Variants in THOC5 observed in about 807,000 individuals in gnomAD.
The protein encoded by THOC5 is THO complex subunit 5, also known as Fms-interacting protein.
Under a neutral mutation model 92.9 loss-of-function variants are expected in THOC5, and 43 were observed. The ratio of observed to expected loss-of-function variants is 0.46; its 90% CI spans 0.36 to 0.60. The LOEUF (loss-of-function observed/expected upper bound fraction) is 0.60. Among genes scored for constraint, THOC5 ranks in the 20% least tolerant of loss-of-function variants. The probability of loss-of-function intolerance (pLI) is 0.00; values close to 1 mark genes in which losing one functional copy is unlikely to be tolerated. For missense variants in THOC5, 659 were observed against 849.4 expected (o/e 0.78, Z 2.79); for synonymous variants, 296 against 320.1 (o/e 0.92, Z 0.80).
chr22:29,526,852 G>C (rs2063555129), intron 11 of THOC5, among the ~76,000 whole-genome samples: 1 of 152,150 alleles, frequency 6.6e-6, no homozygotes, highest in Non-Finnish European at 1.5e-5. Context: ...AGGAAAGACT[G>C]AGACACTCAC....
chr22:29,552,961 AC>A (rs2064203565), intron 1 of THOC5, among the ~76,000 whole-genome samples: 1 of 152,144 alleles, frequency 6.6e-6, no homozygotes, highest in Non-Finnish European at 1.5e-5. Flanking sequence ...GCTCTCTGAA[AC>A]ATGTGCTGTG....
chr22:29,522,587 T>C (rs1403848310), intron 12 of THOC5, among the ~76,000 whole-genome samples: 1 of 151,932 alleles, frequency 6.6e-6, no homozygotes, highest in African/African-American at 2.4e-5. Context: ...CTGAACTTGG[T>C]AAAAATGATG....
intron 13 of THOC5, 120 bp downstream of exon 13, chr22:29,520,878 C>A: frequency 1.4e-6 from 1 of 731,314 alleles, no homozygotes; most frequent in South Asian, 1.6e-5. Context: ...TTCCTTCTAC[C>A]CTGTGGTCTT....
At chr22:29,549,193 G>C (rs1034236502) in intron 1 of THOC5, 35 bp from the exon 2 acceptor site, 1 of 1,586,820 alleles carries the variant, frequency 6.3e-7, no homozygotes, top group Admixed American at 1.7e-5. Context: ...GATTCTTCTG[G>C]AGTCATAACA....
At position 29,508,382 on chromosome 22, in the gene THOC5, T is replaced by C; in HGVS notation, c.*75A>G. The stretch of plus-strand genomic sequence containing the variant: ...TCTTTGGAGAATATCAAGAGTCACA[T>C]GTGGGCCAGAGCAGAAAGCAGAAGC... On this transcript the variant is annotated 3_prime_UTR_variant, in exon 20 of 20. Coordinates refer to ENST00000490103, the MANE Select transcript of THOC5 (RefSeq NM_003678.5). 1.4e-6 allele frequency: 2 copies of C among 1,435,766 alleles called. No individual in the cohort carries two copies. Among genetic ancestry groups the C allele is most frequent in the Non-Finnish European group, 2.0e-6 (2 of 1,022,118 alleles). The allele number at this position is 1,435,766 out of a possible 1,614,324, so 88.9% of individuals were successfully genotyped here. A position where few individuals can be genotyped will look rare whatever the true frequency, so the allele number is the denominator to read the frequency against.
intron 5 of THOC5, among the ~76,000 whole-genome samples, chr22:29,542,265 T>C (rs184616454): frequency 5.8e-4 from 88 of 152,148 alleles, no homozygotes; most frequent in African/African-American, 2.0e-3. Context: ...TGCCCAGAAA[T>C]CAAACTGGTA....
At chr22:29,532,201 C>T (rs2063669134) in intron 7 of THOC5, among the ~76,000 whole-genome samples, 1 of 152,158 alleles carries the variant, frequency 6.6e-6, no homozygotes, top group South Asian at 2.1e-4. Context: ...GGCTCATGCC[C>T]ATAGTCCCAG....
Position 29,515,553 on chromosome 22 carries a change from G to A in THOC5, c.1681+1476C>T, listed in dbSNP as rs182251967. Reference sequence around the variant, plus strand: ...GGATGAGATAAAAGGAAGACCGGGTGTGGTGGTTCATGCCTGCAATCCCAG... The same window carrying A: ...GGATGAGATAAAAGGAAGACCGGGTATGGTGGTTCATGCCTGCAATCCCAG... On this transcript the variant is annotated intron_variant, in intron 17 of 19. Transcript: ENST00000490103. Among the ~76,000 whole-genome samples, 410 of 151,888 alleles carry A rather than the reference G, an allele frequency of 2.7e-3. 6 individuals carry two copies. Among genetic ancestry groups the A allele is most frequent in the Non-Finnish European group, 1.1e-3 (76 of 67,970 alleles).
At position 29,517,313 on chromosome 22, in the gene THOC5, C is replaced by T. The variant is rs1180052505; in HGVS notation, c.1543G>A (p.Val515Ile). ...ACCCATTTCACCAGGCGAGAGACAA[C>T]CTTGGCAGGGAAGAGGTACTGGCAA... ...SDCQYLFPAK[V>I]VSRLVKWVTV... is the part of the protein sequence containing the mutation. The change falls in exon 16 of 20, where the codon GTT (valine) becomes ATT (isoleucine). Residue 515 changes from valine (V) to isoleucine (I), a missense_variant. Transcript: ENST00000490103. The T allele has an allele frequency of 1.2e-6, 2 of 1,614,108 alleles. No individual in the cohort carries two copies. The highest frequency in any genetic ancestry group is 8.5e-7 in the Non-Finnish European group (1 of 1,180,050).
rs1318584217 is a variant in THOC5 at position 29,529,241 on chromosome 22, T to G, written c.848-2A>C. ...CGATTGCCACAGATAACGTCTTATC[T>G]GGGGGGCAAGAAGAAGTCTGTTAGG... On this transcript the variant is annotated splice_acceptor_variant, in intron 8 of 19. Coordinates refer to ENST00000490103, the MANE Select transcript of THOC5 (RefSeq NM_003678.5). LOFTEE classifies it high-confidence loss of function. 6 of 1,613,994 alleles carry G rather than the reference T, an allele frequency of 3.7e-6. No individual in the cohort carries two copies. The highest frequency in any genetic ancestry group is 1.7e-5 in the Admixed American group (1 of 59,992).
intron 12 of THOC5, among the ~76,000 whole-genome samples, chr22:29,524,386 G>A (rs2063502776): frequency 6.6e-6 from 1 of 152,114 alleles, no homozygotes; most frequent in South Asian, 2.1e-4. Context: ...ACCCTGGGAG[G>A]GGATATTACA....
At chr22:29,524,196 C>G (rs951279144) in intron 12 of THOC5, among the ~76,000 whole-genome samples, 1 of 152,198 alleles carries the variant, frequency 6.6e-6, no homozygotes, top group Non-Finnish European at 1.5e-5. Flanking sequence ...TTGCTGACTT[C>G]GAATCATAAT....
chr22:29,534,745 G>A (rs986244388), intron 7 of THOC5: 1 of 151,388 alleles, frequency 6.6e-6, no homozygotes, highest in Non-Finnish European at 1.5e-5. Context: ...ACAAGGTCAG[G>A]AGATCGAGAC....
At chr22:29,552,621 A>AG (rs896999980) in intron 1 of THOC5, among the ~76,000 whole-genome samples, 36 of 140,636 alleles carry the variant, frequency 2.6e-4, no homozygotes, top group African/African-American at 8.4e-4. Context: ...GGTCGGGGGT[A>AG]GGGGGGCGCC....
intron 2 of THOC5, 51 bp downstream of exon 2, chr22:29,549,001 T>C (rs1739415996): frequency 6.3e-7 from 1 of 1,582,868 alleles, no homozygotes; most frequent in Non-Finnish European, 8.7e-7. Context: ...GCCAGGTGCT[T>C]GGCCATGAGA....
intron 5 of THOC5, among the ~76,000 whole-genome samples, chr22:29,540,892 T>C (rs1416349116): frequency 6.6e-6 from 1 of 152,174 alleles, no homozygotes; most frequent in Non-Finnish European, 1.5e-5. Context: ...TATGTGACGA[T>C]TTTGTGGAAC....
rs1454459934 is a variant in THOC5, at chr22:29,529,423, T to C, written c.848-184A>G. Reference sequence around the variant, plus strand: ...AAGGTGGGACACTTAAGCTTTTTTTTCCGTCATTTACTGAGAACAGAGAAC... The same window carrying C: ...AAGGTGGGACACTTAAGCTTTTTTTCCCGTCATTTACTGAGAACAGAGAAC... On this transcript the variant is annotated intron_variant, in intron 8 of 19. Coordinates refer to ENST00000490103, the MANE Select transcript of THOC5 (RefSeq NM_003678.5). Among the ~76,000 whole-genome samples, 6 of 152,218 alleles carry C rather than the reference T, an allele frequency of 3.9e-5. No individual in the cohort carries two copies. The East Asian group carries it at 7.7e-4, about 20-fold the overall frequency.
chr22:29,521,819 G>A (rs183516540), intron 12 of THOC5, among the ~76,000 whole-genome samples: 1 of 152,236 alleles, frequency 6.6e-6, no homozygotes, highest in Admixed American at 6.5e-5. Context: ...AGGATGACAA[G>A]GCCCATTCTT....
At chr22:29,537,303 G>A (rs1203319980) in intron 6 of THOC5, among the ~76,000 whole-genome samples, 2 of 152,198 alleles carry the variant, frequency 1.3e-5, no homozygotes. Context: ...ACAGCGGAGT[G>A]ACAGGTCAGC....
Sources: allele counts gnomAD v4.1 joint callset (sites outside exome capture counted in the v4.1 genomes callset), GRCh38; gene constraint gnomAD v4.1.1; transcripts MANE v1.5; gene names NCBI Gene and HGNC (gene_info 2026-07-23, HGNC 2026-07-21).